The following WDR86 variants were observed in gnomAD, a reference collection of about 807,000 sequenced individuals.
WDR86 encodes WD repeat domain 86.
Under a neutral mutation model 36.5 loss-of-function variants are expected in WDR86, and 30 were observed. The observed-to-expected ratio is 0.82, with a 90% CI of 0.61 to 1.11. The LOEUF is 1.11. Ranked by LOEUF, WDR86 falls within the 50% of genes most tolerant of loss-of-function variation. The pLI is 0.00. For missense variants in WDR86, 545 were observed against 561.2 expected (o/e 0.97, Z 0.29); for synonymous variants, 255 against 252.9 (o/e 1.01, Z -0.08).
At chr7:151,382,450 G>A (rs773211602) in intron 4 of WDR86, among the ~76,000 whole-genome samples, 26 of 152,150 alleles carry the variant, frequency 1.7e-4, no homozygotes, top group Admixed American at 7.2e-4. Context: ...GCGAGCCTCC[G>A]ACCTCAGTCT....
Position 151,406,734 on chromosome 7 carries a change from A to G in WDR86, c.163+2693T>C, listed in dbSNP as rs961616245. On this transcript the variant is annotated intron_variant, in intron 1 of 5. Transcript: ENST00000334493. The surrounding 1 kb of genome is among the most constrained non-coding windows in gnomAD (Gnocchi z 4.4). ...CAGCACCCACCCCATTATCGATGGT[A>G]TCTAGAAAACAACAAGAATGCCGTG... Among the ~76,000 whole-genome samples the G allele has an allele frequency of 6.6e-6, 1 of 152,154 alleles. No homozygotes were observed. Among genetic ancestry groups the G allele is most frequent in the Admixed American group, 6.5e-5 (1 of 15,282 alleles).
At chr7:151,369,248 T>C in the WDR86 span, 1 of 157,348 alleles carries the variant, frequency 6.4e-6, no homozygotes, top group Non-Finnish European at 1.4e-5. Context: ...CCTCAAGTGA[T>C]GCGCCCACCT....
Position 151,409,824 on chromosome 7 carries a change from C to T in WDR86, c.-235G>A. The T allele has an allele frequency of 8.0e-7, 1 of 1,253,366 alleles. No individual in the cohort carries two copies. The highest frequency in any genetic ancestry group is 1.0e-6 in the Non-Finnish European group (1 of 1,001,772). The allele number at this position is 1,253,366 out of a possible 1,614,324, so 77.6% of individuals were successfully genotyped here. On this transcript the variant is annotated 5_prime_UTR_variant, in exon 1 of 6. Transcript: ENST00000334493. The surrounding 1 kb of genome is among the most constrained non-coding windows in gnomAD (Gnocchi z 5.2). ...CGGGGGGCGGCCCACTCGGGACCTC[C>T]GCCCTGGGTAGAGTCCTGGGCGCGC...
At chr7:151,393,712 C>T (rs1799606527) in intron 3 of WDR86, among the ~76,000 whole-genome samples, 1 of 152,154 alleles carries the variant, frequency 6.6e-6, no homozygotes, top group Non-Finnish European at 1.5e-5. Flanking sequence ...CTCAGCCTCA[C>T]TCCATACTGC....
At chr7:151,402,070 A>AAAATATATATAT in intron 1 of WDR86, among the ~76,000 whole-genome samples, 57 of 50,494 alleles carry the variant, frequency 1.1e-3, no homozygotes, top group Non-Finnish European at 1.5e-3. Flanking sequence ...AAAAAAAAAA[A>AAAATATATATAT]ATATATATAT....
At chr7:151,389,017 A>T (rs9632639) in intron 3 of WDR86, among the ~76,000 whole-genome samples, 134,019 of 152,220 alleles carry the variant, frequency 0.88, 59,131 homozygotes, top group East Asian at 0.94. Context: ...GCTGGCGCCT[A>T]GACCTTGGAT....
At chr7:151,381,105 A>C, downstream of WDR86, 1 of 1,210,238 alleles carries the variant, frequency 8.3e-7, no homozygotes. The surrounding 1 kb of genome is among the most constrained non-coding windows in gnomAD (Gnocchi z 4.8). Context: ...TGCAAAACAA[A>C]AAGAGGACAC....
At chr7:151,410,088 T>C (rs1037849545), upstream of WDR86, 6 of 985,074 alleles carry the variant, frequency 6.1e-6, no homozygotes, top group African/African-American at 1.0e-4. Context: ...CCCCTCCCAC[T>C]TCTCGGGCTG....
chr7:151,369,667 T>A, the WDR86 span, among the ~76,000 whole-genome samples: 147 of 152,362 alleles, frequency 9.6e-4, no homozygotes, highest in Non-Finnish European at 1.9e-3. Context: ...AACTGAGGTC[T>A]AGAGGGCGGT....
downstream of WDR86, chr7:151,376,238 G>C: frequency 1.1e-5 from 5 of 471,670 alleles, no homozygotes; most frequent in South Asian, 9.1e-5. Flanking sequence ...TGACCTAAAA[G>C]GATGGCACTG....
chr7:151,397,937 C>A (rs934464972), intron 2 of WDR86, among the ~76,000 whole-genome samples: 2 of 151,900 alleles, frequency 1.3e-5, no homozygotes, highest in African/African-American at 4.8e-5. Flanking sequence ...GGCCACTGAA[C>A]GATCGGTGAC....
At chr7:151,397,665 C>T (rs1480406640) in intron 2 of WDR86, among the ~76,000 whole-genome samples, 1 of 26,322 alleles carries the variant, frequency 3.8e-5, no homozygotes, top group African/African-American at 8.5e-5. Context: ...AAGGGCATAG[C>T]GGGAGGAAGA....
downstream of WDR86, among the ~76,000 whole-genome samples, chr7:151,373,643 C>T (rs1383804470): frequency 2.0e-5 from 3 of 152,222 alleles, no homozygotes; most frequent in South Asian, 6.2e-4. Context: ...CCTGATTCCA[C>T]ATCACATTTT....
At chr7:151,387,557 C>G (rs945749854) in intron 3 of WDR86, among the ~76,000 whole-genome samples, 1 of 152,074 alleles carries the variant, frequency 6.6e-6, no homozygotes, top group African/African-American at 2.4e-5. Context: ...GGGCTCCTCG[C>G]AGCCACGGCG....
chr7:151,409,516 G>C lies in WDR86; in HGVS notation c.74C>G (p.Pro25Arg). 1 of 1,531,672 alleles carries C rather than the reference G, an allele frequency of 6.5e-7. No individual in the cohort carries two copies. The highest frequency in any genetic ancestry group is 8.7e-7 in the Non-Finnish European group (1 of 1,145,160). The allele number at this position is 1,531,672 out of a possible 1,614,324, so 94.9% of individuals were successfully genotyped here. A position where few individuals can be genotyped will look rare whatever the true frequency, so the allele number is the denominator to read the frequency against. Residue 25 changes from proline to arginine, a missense_variant, in exon 1 of 6, where the codon CCC (proline) becomes CGC (arginine). Pro to Arg is a moderately radical substitution (Grantham distance 103). Transcript: ENST00000334493. The surrounding 1 kb of genome is among the most constrained non-coding windows in gnomAD (Gnocchi z 5.2). ...RGGINWLSLS[P>R]DGQRLLTGSE... ...GCCCGTCAGCAGGCGCTGCCCGTCG[G>C]GGCTCAGGCTCAGCCAGTTGATGCC...
At chr7:151,383,673 T>C (rs989817022) in intron 4 of WDR86, among the ~76,000 whole-genome samples, 10 of 152,184 alleles carry the variant, frequency 6.6e-5, no homozygotes, top group African/African-American at 1.9e-4. Flanking sequence ...GGAAGTTTCA[T>C]TTCTGGGTCT....
chr7:151,381,726 G>A lies in WDR86; in HGVS notation c.987C>T (p.Tyr329=). The change falls in exon 6 of 6, where the codon TAC becomes TAT. Residue 329 remains tyrosine (Y), a synonymous_variant. Transcript: ENST00000334493. This position sits in a 1 kb window ranked among gnomAD's most constrained non-coding sequence, Gnocchi z 4.8. ...NCIQVHGQVL[Y]TASHDGALRL... is the part of the protein sequence containing the mutation. ...GCAGGGCGCCGTCGTGCGAGGCGGT[G>A]TAGAGCACCTGGCCGTGCACCTGCG... The A allele has an allele frequency of 6.6e-6, 10 of 1,514,638 alleles. No individual in the cohort carries two copies. Among genetic ancestry groups the A allele is most frequent in the Non-Finnish European group, 8.8e-6 (10 of 1,133,640 alleles). 93.8% of individuals were successfully genotyped at this position (1,514,638 alleles called of 1,614,324 possible).
downstream of WDR86, among the ~76,000 whole-genome samples, chr7:151,379,148 G>C (rs1445280721): frequency 6.6e-6 from 1 of 152,204 alleles, no homozygotes; most frequent in East Asian, 1.9e-4. Flanking sequence ...ATAGTATTTG[G>C]GGCAGGACAG....
At position 151,388,136 on chromosome 7, in the gene WDR86, G is replaced by A. The variant is rs1442122483; in HGVS notation, c.727-2913C>T. Among the ~76,000 whole-genome samples the A allele has an allele frequency of 2.0e-5, 3 of 152,182 alleles. No individual in the cohort carries two copies. Among genetic ancestry groups the A allele is most frequent in the African/African-American group, 7.2e-5 (3 of 41,426 alleles). On this transcript the variant is annotated intron_variant, in intron 3 of 5. Coordinates refer to ENST00000334493, the MANE Select transcript of WDR86 (RefSeq NM_198285.3). The surrounding 1 kb of genome is among the most constrained non-coding windows in gnomAD (Gnocchi z 4.2). ...CTTTTGCAGCCAGAGACTGCCCCAC[G>A]ACATCCTTGCTGTGGTCCCCACCAC...
Sources: allele counts gnomAD v4.1 joint callset (sites outside exome capture counted in the v4.1 genomes callset), GRCh38; gene constraint gnomAD v4.1.1; non-coding constraint Gnocchi (gnomAD v3.1); transcripts MANE v1.5; gene names NCBI Gene and HGNC (gene_info 2026-07-23, HGNC 2026-07-21).